KCNAB1: variants seen among roughly 807,000 people sequenced by gnomAD.
KCNAB1 encodes the protein potassium voltage-gated channel subfamily A regulatory beta subunit 1, also known as voltage-gated potassium channel subunit beta-1.
Under a neutral mutation model 64.6 loss-of-function variants are expected in KCNAB1, and 35 were observed. The ratio of observed to expected loss-of-function variants is 0.54; its 90% CI spans 0.41 to 0.72. The LOEUF is 0.72. KCNAB1 is among the 30% of genes least tolerant of loss of function. The probability of loss-of-function intolerance (pLI) is 0.00; values close to 1 mark genes in which losing one functional copy is unlikely to be tolerated. For missense variants in KCNAB1, 401 were observed against 512.9 expected (o/e 0.78, Z 2.11); for synonymous variants, 177 against 183.8 (o/e 0.96, Z 0.30).
At chr3:156,368,156 T>C (rs1047182153) in intron 1 of KCNAB1, among the ~76,000 whole-genome samples, 13 of 152,362 alleles carry the variant, frequency 8.5e-5, no homozygotes, top group Admixed American at 7.2e-4. Flanking sequence ...TTTTCCAGTG[T>C]GTCTTCCATG....
At chr3:156,180,189 A>T (rs1712710769) in intron 1 of KCNAB1, among the ~76,000 whole-genome samples, 1 of 152,246 alleles carries the variant, frequency 6.6e-6, no homozygotes, top group East Asian at 1.9e-4. Flanking sequence ...TTCAATCCTC[A>T]TGCCAATCCT....
chr3:156,254,933 T>C (rs1212004575), intron 1 of KCNAB1, among the ~76,000 whole-genome samples: 1 of 152,222 alleles, frequency 6.6e-6, no homozygotes, highest in Non-Finnish European at 1.5e-5. Context: ...TTAATACCAA[T>C]TGCCCAGATA....
At chr3:156,250,223 G>A (rs1717739291) in intron 1 of KCNAB1, among the ~76,000 whole-genome samples, 1 of 152,116 alleles carries the variant, frequency 6.6e-6, no homozygotes, top group Non-Finnish European at 1.5e-5. Flanking sequence ...AATGCACCAA[G>A]GGAGTTGTTG....
intron 1 of KCNAB1, among the ~76,000 whole-genome samples, chr3:156,151,568 T>G (rs949718596): frequency 6.6e-6 from 1 of 152,218 alleles, no homozygotes; most frequent in African/African-American, 2.4e-5. Flanking sequence ...TAACATATTG[T>G]TAACATTTTG....
At chr3:156,217,978 A>G (rs530180689) in intron 1 of KCNAB1, 1 of 152,410 alleles carries the variant, frequency 6.6e-6, no homozygotes, top group African/African-American at 2.4e-5. Context: ...GGAACATACC[A>G]GAAAAGCAGA....
Position 156,263,692 on chromosome 3 carries a change from G to A in KCNAB1, c.275+142806G>A, listed in dbSNP as rs143942998. 5.7e-3 allele frequency among the ~76,000 whole-genome samples: 860 copies of A among 152,104 alleles called. 9 individuals are homozygous for A. The highest frequency in any genetic ancestry group is 0.016 in the South Asian group (78 of 4,822). ...GTGCTCATATCACTTATATAAATTA[G>A]TGTAGTATTTGCATACATCTTATGC... On this transcript the variant is annotated intron_variant, in intron 1 of 13. Coordinates refer to ENST00000490337, the MANE Select transcript of KCNAB1 (RefSeq NM_172160.3).
chr3:156,240,092 C>A (rs776116452), intron 1 of KCNAB1, among the ~76,000 whole-genome samples: 1 of 152,170 alleles, frequency 6.6e-6, no homozygotes, highest in Admixed American at 6.5e-5. Flanking sequence ...ATATTTCCTA[C>A]AATAGACACG....
At chr3:156,397,971 G>GA (rs1486094577) in intron 1 of KCNAB1, among the ~76,000 whole-genome samples, 8 of 152,276 alleles carry the variant, frequency 5.3e-5, no homozygotes, top group African/African-American at 1.4e-4. Flanking sequence ...CTTTCATTGT[G>GA]TGCCTTAATC....
intron 1 of KCNAB1, among the ~76,000 whole-genome samples, chr3:156,405,749 C>T (rs1021141945): frequency 5.9e-5 from 9 of 151,960 alleles, no homozygotes; most frequent in South Asian, 2.1e-4. Context: ...CTCTTTTAAA[C>T]GTAATTTCAA....
At chr3:156,359,814 A>G (rs1356548891) in intron 1 of KCNAB1, among the ~76,000 whole-genome samples, 1 of 152,230 alleles carries the variant, frequency 6.6e-6, no homozygotes, top group Non-Finnish European at 1.5e-5. Context: ...TGAGCTTTCT[A>G]TAGATTTGTC....
In KCNAB1 at chr3:156,508,060, C is replaced by T. The variant is rs1165733750; in HGVS notation, c.659-6304C>T. On this transcript the variant is annotated intron_variant, in intron 8 of 13. Coordinates refer to ENST00000490337, the MANE Select transcript of KCNAB1 (RefSeq NM_172160.3). This position sits in a 1 kb window ranked among gnomAD's most constrained non-coding sequence, Gnocchi z 4.1. ...TTGCATGTAATTCCACTAAATAATACAATTATTTTGCATGTTTTTTCTCAG... is the reference window on the plus strand; with the variant it reads ...TTGCATGTAATTCCACTAAATAATATAATTATTTTGCATGTTTTTTCTCAG... Among the ~76,000 whole-genome samples the T allele has an allele frequency of 6.6e-6, 1 of 151,950 alleles. No homozygotes were observed. Among genetic ancestry groups the T allele is most frequent in the Non-Finnish European group, 1.5e-5 (1 of 67,964 alleles).
intron 1 of KCNAB1, among the ~76,000 whole-genome samples, chr3:156,123,941 T>G (rs1020426555): frequency 2.6e-5 from 4 of 152,232 alleles, no homozygotes; most frequent in Admixed American, 6.5e-5. Context: ...TATTTTGACA[T>G]GCTTTCCCCA....
At chr3:156,449,683 A>G (rs901594688) in intron 2 of KCNAB1, among the ~76,000 whole-genome samples, 1 of 152,234 alleles carries the variant, frequency 6.6e-6, no homozygotes, top group African/African-American at 2.4e-5. Flanking sequence ...TTTCAATGGC[A>G]TAGTTTTAGA....
At chr3:156,283,448 A>C (rs55904458) in intron 1 of KCNAB1, among the ~76,000 whole-genome samples, 25,872 of 147,544 alleles carry the variant, frequency 0.18, 2,631 homozygotes, top group East Asian at 0.34. Context: ...TGTGTCTTGG[A>C]GTTGCTCTTC....
rs74380704 is a variant in KCNAB1 at position 156,244,695 on chromosome 3, C to A, written c.275+123809C>A. 2.8e-3 allele frequency among the ~76,000 whole-genome samples: 427 copies of A among 152,300 alleles called. 16 individuals are homozygous for A. In the East Asian group the frequency reaches 0.048, roughly 17 times the overall value. ...TGACTTAACCCTGATAGATACACCC[C>A]CAATGTCAATATCTCTATGTATTTC... On this transcript the variant is annotated intron_variant, in intron 1 of 13. Coordinates refer to ENST00000490337, the MANE Select transcript of KCNAB1 (RefSeq NM_172160.3).
chr3:156,210,211 C>T (rs967627495), intron 1 of KCNAB1, among the ~76,000 whole-genome samples: 6 of 152,126 alleles, frequency 3.9e-5, no homozygotes, highest in Non-Finnish European at 8.8e-5. Flanking sequence ...CTCTGCCTCC[C>T]CTTGCTTTGT....
rs1714329210 is a variant in KCNAB1, at chr3:156,476,228, A to G, written c.658+1408A>G. Among the ~76,000 whole-genome samples, 4 of 152,008 alleles carry G rather than the reference A, an allele frequency of 2.6e-5. No individual in the cohort carries two copies. In the South Asian group the frequency reaches 8.3e-4, roughly 32 times the overall value. On this transcript the variant is annotated intron_variant, in intron 8 of 13. Coordinates refer to ENST00000490337, the MANE Select transcript of KCNAB1 (RefSeq NM_172160.3). Reference sequence around the variant, plus strand: ...GTAAGTGCTTTAGCGGTGATTTGTAAGATTTTGGTGCACTTATCACTAGAG... The same window carrying G: ...GTAAGTGCTTTAGCGGTGATTTGTAGGATTTTGGTGCACTTATCACTAGAG...
intron 1 of KCNAB1, among the ~76,000 whole-genome samples, chr3:156,325,770 T>G (rs1180429379): frequency 1.3e-5 from 2 of 152,070 alleles, no homozygotes; most frequent in East Asian, 3.9e-4. Context: ...CTGGGCAATA[T>G]AGCAAGACCT....
Position 156,508,750 on chromosome 3 carries a change from G to A in KCNAB1, c.659-5614G>A, listed in dbSNP as rs993673968. On this transcript the variant is annotated intron_variant, in intron 8 of 13. Coordinates refer to ENST00000490337, the MANE Select transcript of KCNAB1 (RefSeq NM_172160.3). The surrounding 1 kb of genome is among the most constrained non-coding windows in gnomAD (Gnocchi z 4.1). ...TTACAGAAGGAAATTGAGTACTCAG[G>A]GAAACAAAGTGGACCTGCAGCATTT... Among the ~76,000 whole-genome samples, 1 of 152,138 alleles carries A rather than the reference G, an allele frequency of 6.6e-6. No individual in the cohort carries two copies. Among genetic ancestry groups the A allele is most frequent in the Non-Finnish European group, 1.5e-5 (1 of 68,034 alleles).
Sources: gnomAD v4.1 joint callset for allele counts (sites outside exome capture counted in the v4.1 genomes callset) on GRCh38, gnomAD v4.1.1 for gene constraint, Gnocchi (gnomAD v3.1) non-coding constraint, MANE v1.5 for transcripts, NCBI Gene and HGNC (gene_info 2026-07-23, HGNC 2026-07-21) for gene names.